PHKA1: variants seen among roughly 807,000 people sequenced by gnomAD.
The protein encoded by PHKA1 is phosphorylase kinase regulatory subunit alpha 1.
PHKA1 carries 60 observed loss-of-function variants against 110.2 expected under a neutral mutation model. The ratio of observed to expected loss-of-function variants is 0.54; its 90% CI spans 0.44 to 0.68. PHKA1 has a LOEUF of 0.68. PHKA1 is among the 30% of genes least tolerant of loss of function. The probability of loss-of-function intolerance (pLI) is 0.00; values close to 1 mark genes in which losing one functional copy is unlikely to be tolerated. For synonymous variants in PHKA1, 316 were observed against 333.6 expected (o/e 0.95, Z 0.58); for missense variants, 801 against 942.5 (o/e 0.85, Z 1.97).
intron 3 of PHKA1, among the ~76,000 whole-genome samples, chrX:72,704,096 A>G (rs2054244937): frequency 8.9e-6 from 1 of 112,413 alleles, no homozygotes; most frequent in Non-Finnish European, 1.9e-5. Context: ...GAGAACCTAG[A>G]TGATAGGCAA....
chrX:72,673,526 G>A (rs2053733226), intron 6 of PHKA1, among the ~76,000 whole-genome samples: 1 of 111,388 alleles, frequency 9.0e-6, no homozygotes, highest in South Asian at 3.7e-4. Context: ...GGTAGTGAGA[G>A]TTTGAGAAAA....
chrX:72,651,074 A>G (rs191890930), intron 12 of PHKA1, among the ~76,000 whole-genome samples: 3 of 112,146 alleles, frequency 2.7e-5, no homozygotes, highest in Non-Finnish European at 5.6e-5. Flanking sequence ...CTGGATATAC[A>G]TATGATTAGA....
chrX:72,621,068 T>C (rs1175000559), intron 18 of PHKA1, among the ~76,000 whole-genome samples, 167 bp from the exon 19 acceptor site: 1 of 111,866 alleles, frequency 8.9e-6, no homozygotes, highest in Non-Finnish European at 1.9e-5. Flanking sequence ...TGATATAACC[T>C]CATCACTTTA....
intron 9 of PHKA1, 88 bp downstream of exon 9, chrX:72,657,500 A>G (rs1324551149): frequency 1.6e-6 from 1 of 640,432 alleles, no homozygotes; most frequent in East Asian, 3.3e-5. Flanking sequence ...TATAAGTACC[A>G]TCAGTGAGGT....
chrX:72,657,522 C>A, intron 9 of PHKA1, 66 bp downstream of exon 9: 1 of 785,724 alleles, frequency 1.3e-6, no homozygotes, highest in South Asian at 2.1e-5. Flanking sequence ...AATATTTTCT[C>A]TGAATGAGGC....
At chrX:72,660,343 T>C (rs1556303481) in intron 8 of PHKA1, 1 of 128,977 alleles carries the variant, frequency 7.8e-6, no homozygotes, top group African/African-American at 3.2e-5. Context: ...CTGATCTGTT[T>C]TCCTCCCTAT....
chrX:72,637,133 CA>C (rs1167256088), intron 14 of PHKA1, among the ~76,000 whole-genome samples: 1 of 111,969 alleles, frequency 8.9e-6, no homozygotes, highest in Non-Finnish European at 1.9e-5. Flanking sequence ...CATCATTGTG[CA>C]AACATCACCA....
At chrX:72,681,174 G>A (rs1186704118) in intron 5 of PHKA1, among the ~76,000 whole-genome samples, 5 of 97,984 alleles carry the variant, frequency 5.1e-5, no homozygotes, top group African/African-American at 1.1e-4. Context: ...CCTCTGCCCC[G>A]CCGCCCCATC....
chrX:72,667,501 A>G, intron 6 of PHKA1, 28 bp from the exon 7 acceptor site: 3 of 1,072,236 alleles, frequency 2.8e-6, no homozygotes, highest in Non-Finnish European at 3.9e-6. Context: ...GAAATGGACA[A>G]GTTTAGCATT....
At position 72,580,656 on chromosome X, in the gene PHKA1, C is replaced by T. The variant is rs782039620; in HGVS notation, c.*346G>A. On this transcript the variant is annotated 3_prime_UTR_variant, in exon 32 of 32. Transcript: ENST00000373542. ...AGGAATAAGTTATTATTAACACTTG[C>T]TCCCCAAACAGGAGTTAGAAAACTA... 1.5e-5 allele frequency: 4 copies of T among 259,204 alleles called. No homozygotes were observed. Among genetic ancestry groups the T allele is most frequent in the Non-Finnish European group, 2.7e-5 (4 of 147,221 alleles). 21.4% of individuals were successfully genotyped at this position (259,204 alleles called of 1,213,427 possible).
chrX:72,708,918 C>T (rs1266775353), intron 2 of PHKA1, among the ~76,000 whole-genome samples: 1 of 111,767 alleles, frequency 8.9e-6, no homozygotes, highest in Non-Finnish European at 1.9e-5. Flanking sequence ...ATGGGAAATA[C>T]TCCAAGTAAT....
Position 72,676,829 on chromosome X carries a change from A to G in PHKA1, c.538-679T>C, listed in dbSNP as rs781911782. Among the ~76,000 whole-genome samples the G allele has an allele frequency of 3.6e-5, 4 of 112,625 alleles. No homozygotes were observed. In the East Asian group the frequency reaches 1.1e-3, roughly 31 times the overall value. Reference sequence around the variant, plus strand: ...AACTTTAGACTTATACAAAAGTTGCAAAAACACTACAAGGAGTTCCCATAT... The same window carrying G: ...AACTTTAGACTTATACAAAAGTTGCGAAAACACTACAAGGAGTTCCCATAT... On this transcript the variant is annotated intron_variant, in intron 5 of 31. Coordinates refer to ENST00000373542, the MANE Select transcript of PHKA1 (RefSeq NM_002637.4).
chrX:72,625,613 T>C (rs924365838), intron 17 of PHKA1, among the ~76,000 whole-genome samples: 1 of 111,722 alleles, frequency 9.0e-6, no homozygotes, highest in Non-Finnish European at 1.9e-5. Context: ...ATTTATATTC[T>C]TTTGGATATA....
At chrX:72,620,615 A>T in intron 19 of PHKA1, 110 bp downstream of exon 19, 2 of 584,754 alleles carry the variant, frequency 3.4e-6, no homozygotes, top group Non-Finnish European at 5.7e-6. Flanking sequence ...GCGGGGGATA[A>T]AGCAGTGAAG....
chrX:72,580,371 CAG>C lies in PHKA1; in HGVS notation c.*629_*630del, dbSNP rs3070316. Reference sequence around the variant, plus strand: ...GAGAGAGGCATTATGTGTGCAGACACAGAGAGGGCAACAGTAGAGACAATGAT... The same window carrying C: ...GAGAGAGGCATTATGTGTGCAGACACAGAGGGCAACAGTAGAGACAATGAT... On this transcript the variant is annotated 3_prime_UTR_variant, in exon 32 of 32. Transcript: ENST00000373542. 0.084 allele frequency: 9,472 copies of C among 112,512 alleles called. 395 individuals carry two copies. Among genetic ancestry groups the C allele is most frequent in the East Asian group, 0.26 (929 of 3,538 alleles). The allele number at this position is 112,512 out of a possible 1,213,427, so 9.3% of individuals were successfully genotyped here.
chrX:72,628,458 G>T (rs1603258958), intron 16 of PHKA1, among the ~76,000 whole-genome samples: 1 of 106,849 alleles, frequency 9.4e-6, no homozygotes. Flanking sequence ...TGATATAAAA[G>T]ATTTCATTTT....
At chrX:72,662,681 C>A (rs1282912110) in intron 8 of PHKA1, among the ~76,000 whole-genome samples, 2 of 111,801 alleles carry the variant, frequency 1.8e-5, no homozygotes, top group Non-Finnish European at 1.9e-5. Flanking sequence ...CATGTCTACA[C>A]CCCAGGCCCG....
chrX:72,619,053 C>T (rs940983079), intron 20 of PHKA1, among the ~76,000 whole-genome samples, 161 bp downstream of exon 20: 2 of 112,030 alleles, frequency 1.8e-5, no homozygotes, highest in African/African-American at 3.2e-5. Flanking sequence ...GACAAACTTG[C>T]CCAATGTAAA....
chrX:72,696,790 C>T (rs1421871636), intron 3 of PHKA1, among the ~76,000 whole-genome samples: 4 of 111,426 alleles, frequency 3.6e-5, no homozygotes. Flanking sequence ...CTCAGATTTT[C>T]AGGGTTCACA....
Sources: allele counts gnomAD v4.1 joint callset (sites outside exome capture counted in the v4.1 genomes callset), GRCh38; gene constraint gnomAD v4.1.1; transcripts MANE v1.5; gene names NCBI Gene and HGNC (gene_info 2026-07-23, HGNC 2026-07-21).